Variants in RAD54B observed in about 807,000 individuals in gnomAD.
RAD54B encodes RAD54 homolog B.
In RAD54B, 78 loss-of-function variants were observed where a neutral mutation model predicts 95.8. The ratio of observed to expected loss-of-function variants is 0.81; its 90% CI spans 0.68 to 0.98. RAD54B has a LOEUF of 0.98. Ranked by LOEUF, RAD54B falls within the 50% of genes least tolerant of loss-of-function variation. RAD54B has a pLI of 0.00. For synonymous variants in RAD54B, 328 were observed against 354.9 expected, an observed-to-expected ratio of 0.92 and a Z score of 0.85; for missense variants, 957 against 1,056.6, an observed-to-expected ratio of 0.91 and a Z score of 1.31.
chr8:94,381,880 G>A (rs540227318), intron 11 of RAD54B, among the ~76,000 whole-genome samples: 1 of 152,124 alleles, frequency 6.6e-6, no homozygotes, highest in African/African-American at 2.4e-5. Context: ...TCAGGAGGCC[G>A]AGGTGGGCGG....
rs751042089 is a variant in RAD54B at position 94,380,139 on chromosome 8, T to G, written c.2247+6A>C. The G allele has an allele frequency of 6.2e-7, 1 of 1,603,086 alleles. No homozygotes were observed. Among genetic ancestry groups the G allele is most frequent in the Middle Eastern group, 1.7e-4 (1 of 6,002 alleles). ...TAATATCTATTTAATGCATAAATAT[T>G]CCTACCTGAATGTCAGTGGCTGGAT... is the stretch of plus-strand genomic sequence containing the variant. On this transcript the variant is annotated splice_donor_region_variant and intron_variant, in intron 12 of 14. Transcript: ENST00000336148.
At position 94,417,229 on chromosome 8, in the gene RAD54B, G is replaced by T. The variant is rs147100593; in HGVS notation, c.305-5914C>A. Among the ~76,000 whole-genome samples, 229 of 152,232 alleles carry T rather than the reference G, an allele frequency of 1.5e-3. 1 individual carries two copies. Among genetic ancestry groups the T allele is most frequent in the Admixed American group, 0.014 (208 of 15,284 alleles). On this transcript the variant is annotated intron_variant, in intron 3 of 14. Transcript: ENST00000336148. The stretch of plus-strand genomic sequence containing the variant: ...AATAGATTAATGGTTGCTTAGGCTG[G>T]AGGGTAAGGATGGGGTTAGGAAGCA...
intron 12 of RAD54B, among the ~76,000 whole-genome samples, 160 bp downstream of exon 12, chr8:94,379,985 G>C (rs1028075780): frequency 1.3e-5 from 2 of 152,138 alleles, no homozygotes; most frequent in African/African-American, 4.8e-5. Flanking sequence ...AGGCTTGTTA[G>C]GAGGATTAAA....
chr8:94,430,837 C>T, intron 3 of RAD54B: 1 of 985,456 alleles, frequency 1.0e-6, no homozygotes, highest in Non-Finnish European at 1.2e-6. Context: ...CCTACCTAGT[C>T]CAGGGAGATG....
chr8:94,397,354 A>G (rs76136524), intron 8 of RAD54B, among the ~76,000 whole-genome samples: 14 of 152,268 alleles, frequency 9.2e-5, no homozygotes, highest in Admixed American at 6.6e-4. Context: ...ACCAACTATG[A>G]GTATTTCTAA....
chr8:94,396,582 C>A (rs1811152080), intron 8 of RAD54B, among the ~76,000 whole-genome samples: 2 of 152,024 alleles, frequency 1.3e-5, no homozygotes, highest in Admixed American at 1.3e-4. Context: ...AATCTATACA[C>A]AAAGAGTATA....
intron 3 of RAD54B, among the ~76,000 whole-genome samples, chr8:94,416,507 A>T (rs1352203636): frequency 2.0e-5 from 3 of 151,978 alleles, no homozygotes; most frequent in Admixed American, 2.0e-4. Context: ...CCTAAAACTT[A>T]AAGTATAATA....
rs530361897 is a variant in RAD54B, at chr8:94,426,173, G to A, written c.305-14858C>T. Among the ~76,000 whole-genome samples, 6 of 151,182 alleles carry A rather than the reference G, an allele frequency of 4.0e-5. No individual in the cohort carries two copies. In the East Asian group the frequency reaches 5.9e-4, roughly 15 times the overall value. On this transcript the variant is annotated intron_variant, in intron 3 of 14. Coordinates refer to ENST00000336148, the MANE Select transcript of RAD54B (RefSeq NM_012415.3). ...TCACCATGGTGGCCAGGCTGGTTTC[G>A]AACTCCTGGCCTCAAGCGATCCACC...
chr8:94,425,532 T>C (rs1226195013), intron 3 of RAD54B, among the ~76,000 whole-genome samples: 1 of 152,172 alleles, frequency 6.6e-6, no homozygotes, highest in African/African-American at 2.4e-5. Context: ...AACATATAAC[T>C]GCAATATAAA....
At chr8:94,440,200 T>TA (rs775934247) in intron 3 of RAD54B, among the ~76,000 whole-genome samples, 56 of 121,180 alleles carry the variant, frequency 4.6e-4, no homozygotes, top group Non-Finnish European at 8.5e-4. Flanking sequence ...TTAGGCAAGA[T>TA]TAAAAAAAAA....
chr8:94,391,762 T>C lies in RAD54B; in HGVS notation c.1656A>G (p.Gly552=), dbSNP rs995911982. 1.9e-6 allele frequency: 3 copies of C among 1,613,958 alleles called. No individual in the cohort carries two copies. Among genetic ancestry groups the C allele is most frequent in the Admixed American group, 1.7e-5 (1 of 59,988 alleles). ...KIENVVFCRP[G]ALQIELYRKL... is the part of the protein sequence containing the mutation. Reference sequence around the variant, plus strand: ...TTCGATAAAGCTCAATCTGTAGTGCTCCTGGTCGGCAAAAGACAACATTCT... The same window carrying C: ...TTCGATAAAGCTCAATCTGTAGTGCCCCTGGTCGGCAAAAGACAACATTCT... The change falls in exon 10 of 15, where the codon GGA becomes GGG. Residue 552 remains glycine (G), a synonymous_variant. Coordinates refer to ENST00000336148, the MANE Select transcript of RAD54B (RefSeq NM_012415.3).
rs528482040 is a variant in RAD54B at position 94,417,394 on chromosome 8, GGTATGTTAATT to G, written c.305-6090_305-6080del. On this transcript the variant is annotated intron_variant, in intron 3 of 14. Transcript: ENST00000336148. ...TACACTTTACATGACTGAATCATAGGGTATGTTAATTGTATCTCAATAAAGCTGTTTAAAAC... is the reference window on the plus strand; with the variant it reads ...TACACTTTACATGACTGAATCATAGGGTATCTCAATAAAGCTGTTTAAAAC... Among the ~76,000 whole-genome samples the G allele has an allele frequency of 6.6e-3, 999 of 151,418 alleles. 5 individuals are homozygous for G. Among genetic ancestry groups the G allele is most frequent in the Non-Finnish European group, 0.011 (720 of 67,854 alleles).
chr8:94,389,038 A>G (rs1451026809), intron 10 of RAD54B, among the ~76,000 whole-genome samples: 1 of 152,220 alleles, frequency 6.6e-6, no homozygotes, highest in Non-Finnish European at 1.5e-5. Flanking sequence ...ATTCTGTCCT[A>G]TGAAAGAACG....
chr8:94,404,579 A>G (rs553466203), intron 5 of RAD54B, among the ~76,000 whole-genome samples: 13 of 152,318 alleles, frequency 8.5e-5, no homozygotes, highest in Non-Finnish European at 1.8e-4. Context: ...ACTATTTCCA[A>G]CTGAAAGTAC....
chr8:94,388,956 T>C (rs1017898488), intron 10 of RAD54B, among the ~76,000 whole-genome samples: 8 of 152,216 alleles, frequency 5.3e-5, no homozygotes, highest in African/African-American at 1.7e-4. Context: ...ATTAAGAGAC[T>C]GAATAAGTCA....
At chr8:94,418,559 C>A (rs1253117458) in intron 3 of RAD54B, among the ~76,000 whole-genome samples, 1 of 152,194 alleles carries the variant, frequency 6.6e-6, no homozygotes, top group East Asian at 1.9e-4. Context: ...TGACCACAAT[C>A]AGGATATAGA....
chr8:94,396,250 T>C (rs1254173539), intron 8 of RAD54B, among the ~76,000 whole-genome samples: 1 of 147,656 alleles, frequency 6.8e-6, no homozygotes, highest in Non-Finnish European at 1.5e-5. Context: ...AGGTAAAACC[T>C]GTAGAAGAAA....
chr8:94,472,063 C>T (rs974897410), intron 1 of RAD54B, among the ~76,000 whole-genome samples: 2 of 151,928 alleles, frequency 1.3e-5, no homozygotes, highest in South Asian at 2.1e-4. Context: ...ATATAACCAG[C>T]CTTTATATAG....
At chr8:94,403,970 G>T in intron 6 of RAD54B, 107 bp downstream of exon 6, 1 of 870,218 alleles carries the variant, frequency 1.1e-6, no homozygotes, top group African/African-American at 1.7e-5. Flanking sequence ...GAAATTCATA[G>T]TGTACCCTCA....
Sources: gnomAD v4.1 joint callset for allele counts (sites outside exome capture counted in the v4.1 genomes callset) on GRCh38, gnomAD v4.1.1 for gene constraint, MANE v1.5 for transcripts, NCBI Gene and HGNC (gene_info 2026-07-23, HGNC 2026-07-21) for gene names.